HGD: variants seen among roughly 807,000 people sequenced by gnomAD.
HGD encodes homogentisate oxidase.
HGD carries 61 observed loss-of-function variants against 60.8 expected under a neutral mutation model. The ratio of observed to expected loss-of-function variants is 1.00; its 90% confidence interval spans 0.82 to 1.24. The LOEUF is 1.24. HGD is among the 50% of genes most tolerant of loss of function. The pLI, the probability that HGD is intolerant of heterozygous loss-of-function variation, is 0.00. For missense variants in HGD, 542 were observed against 547.1 expected (o/e 0.99, Z 0.09); for synonymous variants, 212 against 187.7 (o/e 1.13, Z -1.06).
chr3:120,644,245 C>A lies in HGD; in HGVS notation c.774+74G>T. On this transcript the variant is annotated intron_variant, in intron 10 of 13. Coordinates refer to ENST00000283871, the MANE Select transcript of HGD (RefSeq NM_000187.4). Reference sequence around the variant, plus strand: ...GAAAGGATATATGTAAAGTTTGTAACACTCGCCTTGGCAATCAGTAAGTGC... The same window carrying A: ...GAAAGGATATATGTAAAGTTTGTAAAACTCGCCTTGGCAATCAGTAAGTGC... 2.5e-6 allele frequency: 4 copies of A among 1,574,610 alleles called. No homozygotes were observed. In the African/African-American group the frequency reaches 5.4e-5, roughly 21 times the overall value.
At chr3:120,642,009 A>G (rs552385219) in intron 10 of HGD, among the ~76,000 whole-genome samples, 1 of 152,306 alleles carries the variant, frequency 6.6e-6, no homozygotes, top group Admixed American at 6.5e-5. Flanking sequence ...GGATCTGTGG[A>G]TGTCAGCAGT....
chr3:120,630,825 TACACATAC>T (rs1940565893), intron 13 of HGD, among the ~76,000 whole-genome samples: 1 of 104,120 alleles, frequency 9.6e-6, no homozygotes, highest in Non-Finnish European at 1.8e-5. Flanking sequence ...TATATATATA[TACACATAC>T]ACACACACAT....
chr3:120,639,541 A>G (rs1940900988), intron 11 of HGD, among the ~76,000 whole-genome samples: 1 of 152,212 alleles, frequency 6.6e-6, no homozygotes, highest in South Asian at 2.1e-4. Flanking sequence ...ATTACATGCA[A>G]CTTATTACCC....
chr3:120,638,327 A>G (rs1940848249), intron 12 of HGD, 128 bp downstream of exon 12: 1 of 1,130,936 alleles, frequency 8.8e-7, no homozygotes, highest in African/African-American at 1.5e-5. Context: ...GGCCTTGTGC[A>G]GCAGGATCCT....
Position 120,645,464 on chromosome 3 carries a change from C to A in HGD, c.649+803G>T, listed in dbSNP as rs146858047. On this transcript the variant is annotated intron_variant, in intron 9 of 13. Coordinates refer to ENST00000283871, the MANE Select transcript of HGD (RefSeq NM_000187.4). ...CAAGGGCCAATTTTCCCAGCCATTT[C>A]TTTCAATCCAAGAGACAGTTTGAGA... Among the ~76,000 whole-genome samples the A allele has an allele frequency of 5.9e-3, 896 of 152,340 alleles. 3 individuals are homozygous for A. The highest frequency in any genetic ancestry group is 1.0e-2 in the Non-Finnish European group (677 of 68,030).
intron 1 of HGD, among the ~76,000 whole-genome samples, chr3:120,681,161 T>A (rs931229363): frequency 6.6e-6 from 1 of 152,216 alleles, no homozygotes; most frequent in East Asian, 1.9e-4. Flanking sequence ...AAACTCAGCA[T>A]CAGTTAGAGG....
At chr3:120,638,810 C>G (rs1020147740) in intron 11 of HGD, among the ~76,000 whole-genome samples, 3 of 151,668 alleles carry the variant, frequency 2.0e-5, no homozygotes, top group African/African-American at 7.3e-5. Flanking sequence ...TGGTTGTGTC[C>G]CCACCCAAAT....
chr3:120,671,184 A>C (rs1451107635), intron 3 of HGD, among the ~76,000 whole-genome samples: 2 of 152,204 alleles, frequency 1.3e-5, no homozygotes, highest in Admixed American at 6.5e-5. Flanking sequence ...CGTCCAGTGC[A>C]TTTCTAAACA....
At chr3:120,633,416 C>T in intron 12 of HGD, 88 bp from the exon 13 acceptor site, 1 of 1,609,412 alleles carries the variant, frequency 6.2e-7, no homozygotes, top group South Asian at 1.1e-5. Context: ...CTGCAGAATT[C>T]CAAGAACACA....
chr3:120,631,022 A>C (rs913487142), intron 13 of HGD, among the ~76,000 whole-genome samples: 70 of 152,036 alleles, frequency 4.6e-4, no homozygotes, highest in African/African-American at 1.6e-3. Context: ...AATGGGAGCT[A>C]AATGATGAGA....
chr3:120,672,708 C>T (rs769399354), intron 3 of HGD, among the ~76,000 whole-genome samples: 7 of 152,116 alleles, frequency 4.6e-5, no homozygotes, highest in African/African-American at 7.2e-5. Flanking sequence ...TACTAGACTT[C>T]CTGAACCTTA....
intron 1 of HGD, among the ~76,000 whole-genome samples, chr3:120,679,494 G>A (rs970476825): frequency 6.6e-6 from 1 of 152,092 alleles, no homozygotes; most frequent in Non-Finnish European, 1.5e-5. Context: ...AGATATGTAT[G>A]GCTTAACCCC....
intron 13 of HGD, among the ~76,000 whole-genome samples, chr3:120,628,853 G>A (rs1053714479): frequency 2.6e-5 from 4 of 152,210 alleles, no homozygotes; most frequent in Non-Finnish European, 4.4e-5. Flanking sequence ...GGGCAGACAT[G>A]GGAGAATCCT....
chr3:120,646,408 A>G, intron 8 of HGD, 42 bp from the exon 9 acceptor site: 1 of 1,287,204 alleles, frequency 7.8e-7, no homozygotes, highest in East Asian at 2.3e-5. Context: ...CTGAAATCAC[A>G]GCTGTAGTTA....
chr3:120,672,068 A>G (rs111294844), intron 3 of HGD, among the ~76,000 whole-genome samples: 69,848 of 151,932 alleles, frequency 0.46, 16,978 homozygotes, highest in African/African-American at 0.61. Flanking sequence ...TAGGTTGATA[A>G]GTGCAGCAAA....
At chr3:120,646,025 C>T (rs1224206844) in intron 9 of HGD, among the ~76,000 whole-genome samples, 1 of 152,174 alleles carries the variant, frequency 6.6e-6, no homozygotes, top group African/African-American at 2.4e-5. Flanking sequence ...AAATCTATTA[C>T]ATGCCGTCTT....
chr3:120,659,007 C>G (rs1941580802), intron 4 of HGD, among the ~76,000 whole-genome samples: 1 of 152,256 alleles, frequency 6.6e-6, no homozygotes, highest in South Asian at 2.1e-4. Flanking sequence ...TCCTAGGCCT[C>G]TGGGCCTGTG....
rs775535671 is a variant in HGD at position 120,647,060 on chromosome 3, A to G, written c.470-8T>C. On this transcript the variant is annotated splice_region_variant and splice_polypyrimidine_tract_variant and intron_variant, in intron 7 of 13. Coordinates refer to ENST00000283871, the MANE Select transcript of HGD (RefSeq NM_000187.4). The stretch of plus-strand genomic sequence containing the variant: ...GGTTCCCTTTCTGCGGAACTGACAA[A>G]AAAAGACAGGGCAGTGGTGAGCAAT... 3 of 1,612,022 alleles carry G rather than the reference A, an allele frequency of 1.9e-6. No homozygotes were observed. The South Asian group carries it at 3.3e-5, about 18-fold the overall frequency.
chr3:120,673,980 G>A (rs753967949), intron 3 of HGD, among the ~76,000 whole-genome samples: 11 of 152,122 alleles, frequency 7.2e-5, no homozygotes, highest in Admixed American at 5.2e-4. Context: ...TATACTTAGG[G>A]GGCCTGCCTC....
Sources: gnomAD v4.1 joint callset for allele counts (sites outside exome capture counted in the v4.1 genomes callset) on GRCh38, gnomAD v4.1.1 for gene constraint, MANE v1.5 for transcripts, NCBI Gene and HGNC (gene_info 2026-07-23, HGNC 2026-07-21) for gene names.